The following CD3E variants were observed in gnomAD, a reference collection of about 807,000 sequenced individuals.
CD3E encodes the protein CD3 epsilon subunit of T-cell receptor complex.
CD3E carries 16 observed loss-of-function variants against 34.7 expected under a neutral mutation model. The observed-to-expected ratio is 0.46, with a 90% confidence interval of 0.31 to 0.70. CD3E has a LOEUF of 0.70. Among genes scored for constraint, CD3E ranks in the 30% least tolerant of loss-of-function variants. The pLI, the probability that CD3E is intolerant of heterozygous loss-of-function variation, is 0.05. For synonymous variants in CD3E, 70 were observed against 90.8 expected, an observed-to-expected ratio of 0.77 and a Z score of 1.30; for missense variants, 223 against 253.9, an observed-to-expected ratio of 0.88 and a Z score of 0.83.
At chr11:118,308,148 G>A (rs1298419622) in intron 3 of CD3E, among the ~76,000 whole-genome samples, 1 of 152,168 alleles carries the variant, frequency 6.6e-6, no homozygotes, top group Non-Finnish European at 1.5e-5. Context: ...TAGCCTGGGT[G>A]ACACATCGAG....
chr11:118,308,282 A>G (rs1208598109), intron 3 of CD3E, 145 bp from the exon 4 acceptor site: 1 of 722,954 alleles, frequency 1.4e-6, no homozygotes, highest in African/African-American at 1.7e-5. Context: ...TAAGGCCCAT[A>G]ACAGCTTTTT....
intron 2 of CD3E, 65 bp from the exon 3 acceptor site, chr11:118,307,223 T>G (rs926943108): frequency 1.5e-6 from 2 of 1,296,194 alleles, no homozygotes; most frequent in Non-Finnish European, 2.2e-6. Flanking sequence ...CAGCCCTTTT[T>G]CTGTTTAGGA....
intron 7 of CD3E, 150 bp downstream of exon 7, chr11:118,314,024 C>A: frequency 1.2e-6 from 1 of 827,000 alleles, no homozygotes; most frequent in Non-Finnish European, 2.0e-6. Flanking sequence ...AAGATCTCAA[C>A]AGACGGTTTC....
At chr11:118,306,626 C>A (rs1178850434) in intron 2 of CD3E, among the ~76,000 whole-genome samples, 3 of 152,088 alleles carry the variant, frequency 2.0e-5, no homozygotes, top group Non-Finnish European at 4.4e-5. Flanking sequence ...CCTGTCTCCC[C>A]CTGTGTAGAG....
chr11:118,312,594 C>A (rs1948141598), intron 5 of CD3E, 24 bp from the exon 6 acceptor site: 2 of 1,613,804 alleles, frequency 1.2e-6, no homozygotes, highest in South Asian at 2.2e-5. Context: ...GTTTCTTCTG[C>A]CAATTTCCCT....
At chr11:118,307,885 A>G (rs1365930953) in intron 3 of CD3E, among the ~76,000 whole-genome samples, 1 of 152,164 alleles carries the variant, frequency 6.6e-6, no homozygotes, top group Non-Finnish European at 1.5e-5. Context: ...AATGGCAACC[A>G]TGGCTGGACA....
At chr11:118,311,904 C>T (rs1331021633) in intron 4 of CD3E, among the ~76,000 whole-genome samples, 1 of 152,150 alleles carries the variant, frequency 6.6e-6, no homozygotes, top group Non-Finnish European at 1.5e-5. Flanking sequence ...GATCTAGGAG[C>T]TCATGCTGGT....
rs201478021 is a variant in CD3E, at chr11:118,308,458, T to A, written c.85+17T>A. 1 of 1,556,866 alleles carries A rather than the reference T, an allele frequency of 6.4e-7. No individual in the cohort carries two copies. The highest frequency in any genetic ancestry group is 1.1e-5 in the South Asian group (1 of 88,778). On this transcript the variant is annotated intron_variant, in intron 4 of 8. Coordinates refer to ENST00000361763, the MANE Select transcript of CD3E (RefSeq NM_000733.4). ...AAGAAATGGGTAAGAAGATTTCCAC[T>A]CTATCTAGCAAAAGTTTTCAAATAT...
chr11:118,310,204 T>C (rs1447008044), intron 4 of CD3E, among the ~76,000 whole-genome samples: 1 of 152,190 alleles, frequency 6.6e-6, no homozygotes, highest in Non-Finnish European at 1.5e-5. Context: ...GGGTTTGTTG[T>C]ATAGATTATT....
intron 3 of CD3E, among the ~76,000 whole-genome samples, chr11:118,308,119 A>G (rs1258512539): frequency 5.9e-5 from 9 of 151,866 alleles, no homozygotes; most frequent in Non-Finnish European, 1.3e-4. Flanking sequence ...TAGTGAGCCG[A>G]GATCACACCA....
In CD3E at chr11:118,314,363, C is replaced by T. The variant is rs964233614; in HGVS notation, c.521-85C>T. 40 of 1,131,038 alleles carry T rather than the reference C, an allele frequency of 3.5e-5. No homozygotes were observed. In the African/African-American group the frequency reaches 5.8e-4, roughly 16 times the overall value. 70.1% of individuals were successfully genotyped at this position (1,131,038 alleles called of 1,614,324 possible). On this transcript the variant is annotated intron_variant, in intron 7 of 8. Transcript: ENST00000361763. The stretch of plus-strand genomic sequence containing the variant: ...GGAGAGAACAATGGGGTTTGCCATT[C>T]TCTATCTGGGTCTCACTGGCACAGA...
chr11:118,307,967 G>A (rs879818854), intron 3 of CD3E, among the ~76,000 whole-genome samples: 62 of 152,098 alleles, frequency 4.1e-4, no homozygotes, highest in Non-Finnish European at 7.2e-4. Flanking sequence ...CCAGGAGTTC[G>A]AGACCAGCCT....
At chr11:118,311,628 G>A (rs1484960305) in intron 4 of CD3E, among the ~76,000 whole-genome samples, 2 of 152,184 alleles carry the variant, frequency 1.3e-5, no homozygotes, top group Non-Finnish European at 2.9e-5. Context: ...TCTGAGAAAG[G>A]ATTTTAAATT....
chr11:118,315,208 GTAGTATT>G (rs1402997948), intron 8 of CD3E, among the ~76,000 whole-genome samples: 4 of 152,120 alleles, frequency 2.6e-5, no homozygotes, highest in African/African-American at 9.7e-5. Flanking sequence ...AGCCAAACAC[GTAGTATT>G]TACTTTAGCT....
chr11:118,309,270 A>T (rs1033574299), intron 4 of CD3E, among the ~76,000 whole-genome samples: 2 of 152,198 alleles, frequency 1.3e-5, no homozygotes, highest in Non-Finnish European at 2.9e-5. Context: ...TTAGAACATT[A>T]TCTGACATAA....
At chr11:118,310,614 C>T (rs2134764702) in intron 4 of CD3E, among the ~76,000 whole-genome samples, 1 of 152,324 alleles carries the variant, frequency 6.6e-6, no homozygotes, top group Non-Finnish European at 1.5e-5. Context: ...TAAGCACAGA[C>T]ATCTAGACCC....
At position 118,315,605 on chromosome 11, in the gene CD3E, T is replaced by C. The variant is rs1381312240; in HGVS notation, c.*63T>C. 1.3e-5 allele frequency: 18 copies of C among 1,358,460 alleles called. No homozygotes were observed. Among genetic ancestry groups the C allele is most frequent in the South Asian group, 9.9e-5 (8 of 80,850 alleles). The allele number at this position is 1,358,460 out of a possible 1,614,324, so 84.2% of individuals were successfully genotyped here. A position where few individuals can be genotyped will look rare whatever the true frequency, so the allele number is the denominator to read the frequency against. On this transcript the variant is annotated 3_prime_UTR_variant, in exon 9 of 9. Transcript: ENST00000361763. ...CCTCTCCAGTCCCCCTGCGACTCCCTGTTTCCTGGGCTAGTCTTGGACCCC... is the reference window on the plus strand; with the variant it reads ...CCTCTCCAGTCCCCCTGCGACTCCCCGTTTCCTGGGCTAGTCTTGGACCCC...
chr11:118,308,624 C>A (rs529097199), intron 4 of CD3E, among the ~76,000 whole-genome samples, 183 bp downstream of exon 4: 56 of 152,286 alleles, frequency 3.7e-4, no homozygotes, highest in African/African-American at 1.3e-3. Flanking sequence ...CAGATTATAG[C>A]TGTGCATATA....
chr11:118,313,518 T>C (rs536883021), intron 6 of CD3E, 189 bp from the exon 7 acceptor site: 2 of 632,542 alleles, frequency 3.2e-6, no homozygotes, highest in Admixed American at 2.2e-5. Flanking sequence ...TTGACTCCAG[T>C]GCCTCTACCC....
Sources: gnomAD v4.1 joint callset for allele counts (sites outside exome capture counted in the v4.1 genomes callset) on GRCh38, gnomAD v4.1.1 for gene constraint, MANE v1.5 for transcripts, NCBI Gene and HGNC (gene_info 2026-07-23, HGNC 2026-07-21) for gene names.